The following DYM variants were observed in gnomAD, a reference collection of about 807,000 sequenced individuals.
DYM encodes the protein dymeclin.
Under a neutral mutation model 93.1 loss-of-function variants are expected in DYM, and 78 were observed. That is an observed-to-expected ratio of 0.84 (90% CI 0.70 to 1.01). The LOEUF is 1.01. DYM is among the 50% of genes least tolerant of loss of function. DYM has a pLI of 0.00. For synonymous variants in DYM, 321 were observed against 319.7 expected (o/e 1.00, Z -0.04); for missense variants, 789 against 845.0 (o/e 0.93, Z 0.82).
At chr18:49,129,337 C>T (rs954749710) in intron 15 of DYM, among the ~76,000 whole-genome samples, 2 of 152,050 alleles carry the variant, frequency 1.3e-5, no homozygotes, top group African/African-American at 4.8e-5. Flanking sequence ...TAACAAAGAA[C>T]GACCCTCCTT....
At chr18:49,402,582 A>C (rs2070978904) in intron 2 of DYM, among the ~76,000 whole-genome samples, 1 of 152,238 alleles carries the variant, frequency 6.6e-6, no homozygotes, top group Non-Finnish European at 1.5e-5. Flanking sequence ...CTAAATCACA[A>C]CACAATCAGG....
At chr18:49,046,323 GAC>G (rs2071541315) in intron 17 of DYM, among the ~76,000 whole-genome samples, 1 of 140,532 alleles carries the variant, frequency 7.1e-6, no homozygotes, top group Non-Finnish European at 1.5e-5. Context: ...ACACACACCA[GAC>G]ACACACAATA....
chr18:49,425,549 C>T (rs2074192067), intron 2 of DYM, among the ~76,000 whole-genome samples: 1 of 152,176 alleles, frequency 6.6e-6, no homozygotes, highest in South Asian at 2.1e-4. Flanking sequence ...CAAATGGGAT[C>T]TAATTCAACT....
intron 8 of DYM, among the ~76,000 whole-genome samples, chr18:49,293,404 T>C (rs1320633799): frequency 1.3e-5 from 2 of 152,220 alleles, no homozygotes; most frequent in Admixed American, 6.5e-5. Context: ...ATCACCACAC[T>C]GTCTTCCACA....
Position 49,378,779 on chromosome 18 carries a change from T to C in DYM, c.288-79A>G, listed in dbSNP as rs905405009. On this transcript the variant is annotated intron_variant, in intron 4 of 17. Transcript: ENST00000675505. The stretch of plus-strand genomic sequence containing the variant: ...TTATTTCTAGTTCATGATTTCTTCC[T>C]GATTTGACAACCGTTTTGTCCATCC... The C allele has an allele frequency of 1.2e-4, 178 of 1,487,696 alleles. No homozygotes were observed. The African/African-American group carries it at 2.2e-3, about 18-fold the overall frequency. 92.2% of individuals were successfully genotyped at this position (1,487,696 alleles called of 1,614,324 possible). A position where few individuals can be genotyped will look rare whatever the true frequency, so the allele number is the denominator to read the frequency against.
intron 6 of DYM, among the ~76,000 whole-genome samples, chr18:49,357,877 T>C (rs1450544343): frequency 6.6e-6 from 1 of 152,144 alleles, no homozygotes; most frequent in Non-Finnish European, 1.5e-5. Context: ...AGGCCAGGTG[T>C]GGTGGCTCTT....
At chr18:49,131,041 C>T (rs903596806) in intron 15 of DYM, among the ~76,000 whole-genome samples, 13 of 152,126 alleles carry the variant, frequency 8.5e-5, no homozygotes, top group South Asian at 6.2e-4. Flanking sequence ...GATTAAATAA[C>T]GTATTTAAAA....
chr18:49,117,739 T>C (rs1045761390), intron 16 of DYM, among the ~76,000 whole-genome samples: 4 of 152,202 alleles, frequency 2.6e-5, no homozygotes, highest in African/African-American at 9.7e-5. Flanking sequence ...ACACCCACTG[T>C]GCACTGGTTC....
chr18:49,063,545 G>C (rs2076156882), intron 17 of DYM, among the ~76,000 whole-genome samples: 1 of 150,388 alleles, frequency 6.6e-6, no homozygotes, highest in East Asian at 2.0e-4. Flanking sequence ...AAAATATGAA[G>C]TGCTCTAATA....
chr18:49,333,526 G>A (rs957182481), intron 7 of DYM, among the ~76,000 whole-genome samples: 11 of 152,140 alleles, frequency 7.2e-5, no homozygotes, highest in African/African-American at 2.4e-5. Flanking sequence ...ATGAAGCTAC[G>A]GGACAGGAAG....
chr18:49,361,738 T>G (rs1196100785), intron 6 of DYM, among the ~76,000 whole-genome samples: 1 of 152,162 alleles, frequency 6.6e-6, no homozygotes, highest in Non-Finnish European at 1.5e-5. Context: ...TTATTTTTTT[T>G]GTGACGTAGT....
At chr18:49,202,241 T>C (rs77110757) in intron 14 of DYM, among the ~76,000 whole-genome samples, 2,745 of 152,342 alleles carry the variant, frequency 0.018, 32 homozygotes, top group Middle Eastern at 0.048. Context: ...GAGCTTGTGG[T>C]GAGCCATTCG....
intron 17 of DYM, among the ~76,000 whole-genome samples, chr18:49,078,455 C>G (rs1200804970): frequency 2.0e-5 from 3 of 151,892 alleles, no homozygotes; most frequent in Non-Finnish European, 4.4e-5. Flanking sequence ...AGGGCCATAT[C>G]CCTCCTCTCC....
chr18:49,184,093 G>A (rs551635167), intron 14 of DYM, among the ~76,000 whole-genome samples: 1 of 152,236 alleles, frequency 6.6e-6, no homozygotes, highest in Non-Finnish European at 1.5e-5. Context: ...ATGGTATTTT[G>A]TTATGAGCCT....
intron 17 of DYM, among the ~76,000 whole-genome samples, chr18:49,092,041 A>C (rs2079093195): frequency 6.6e-6 from 1 of 152,222 alleles, no homozygotes; most frequent in Non-Finnish European, 1.5e-5. Flanking sequence ...CATCACATTT[A>C]ATGATGGTAA....
At chr18:49,089,950 C>A (rs1283995002) in intron 17 of DYM, among the ~76,000 whole-genome samples, 1 of 152,162 alleles carries the variant, frequency 6.6e-6, no homozygotes, top group Non-Finnish European at 1.5e-5. Context: ...CCATTTGCTT[C>A]CTTCTCAATA....
At chr18:49,457,902 T>C (rs980324220) in intron 1 of DYM, among the ~76,000 whole-genome samples, 1 of 152,146 alleles carries the variant, frequency 6.6e-6, no homozygotes, top group African/African-American at 2.4e-5. Context: ...ACTGGTGGCT[T>C]TGAAGACAGA....
chr18:49,444,802 G>A (rs147648406), intron 1 of DYM, among the ~76,000 whole-genome samples: 4 of 152,244 alleles, frequency 2.6e-5, no homozygotes, highest in African/African-American at 7.2e-5. Context: ...TGTAAATGTC[G>A]TCCAAGCAAT....
intron 13 of DYM, among the ~76,000 whole-genome samples, chr18:49,246,957 C>G (rs2094185102): frequency 2.0e-5 from 3 of 152,206 alleles, no homozygotes; most frequent in Non-Finnish European, 4.4e-5. Flanking sequence ...CCCACTCTCT[C>G]ATGTTTTGCA....
Sources: allele counts gnomAD v4.1 joint callset (sites outside exome capture counted in the v4.1 genomes callset), GRCh38; gene constraint gnomAD v4.1.1; transcripts MANE v1.5; gene names NCBI Gene and HGNC (gene_info 2026-07-23, HGNC 2026-07-21).